The following FOXK2 variants were observed in gnomAD, a reference collection of about 807,000 sequenced individuals.
The protein encoded by FOXK2 is forkhead box protein K2.
In FOXK2, 24 loss-of-function variants were observed where a neutral mutation model predicts 53.3. That is an observed-to-expected ratio of 0.45 (90% CI 0.33 to 0.63). The LOEUF (loss-of-function observed/expected upper bound fraction) is 0.63. Among genes scored for constraint, FOXK2 ranks in the 30% least tolerant of loss-of-function variants. FOXK2 has a pLI of 0.03. For missense variants in FOXK2, 952 were observed against 910.5 expected, an observed-to-expected ratio of 1.05 and a Z score of -0.59; for synonymous variants, 505 against 407.1, an observed-to-expected ratio of 1.24 and a Z score of -2.89.
chr17:82,551,316 CAAAAAAAAAAATT>C lies in FOXK2; in HGVS notation c.420-12027_420-12015del, dbSNP rs1190091357. ...TGGGCGATAGAGCGAGACTCCATCT[CAAAAAAAAAAATT>C]AAAAAAAAAATAAAAATAAACATGA... On this transcript the variant is annotated intron_variant, in intron 1 of 8. Transcript: ENST00000335255. 6.8e-3 allele frequency among the ~76,000 whole-genome samples: 603 copies of C among 89,298 alleles called. 4 individuals carry two copies. The highest frequency in any genetic ancestry group is 0.029 in the African/African-American group (575 of 19,858). The allele number at this position is 89,298 out of a possible 152,430, so 58.6% of individuals were successfully genotyped here.
At chr17:82,569,533 C>G (rs2044890110) in intron 3 of FOXK2, among the ~76,000 whole-genome samples, 1 of 152,152 alleles carries the variant, frequency 6.6e-6, no homozygotes, top group South Asian at 2.1e-4. Flanking sequence ...TGCCCTGTCT[C>G]TTGACCTAGT....
At chr17:82,558,829 C>T (rs914246063) in intron 1 of FOXK2, among the ~76,000 whole-genome samples, 1 of 152,110 alleles carries the variant, frequency 6.6e-6, no homozygotes, top group Non-Finnish European at 1.5e-5. Context: ...TCACTGCAAG[C>T]TCCGCCTCCT....
intron 4 of FOXK2, 103 bp from the exon 5 acceptor site, chr17:82,582,638 C>T (rs1427684075): frequency 1.1e-6 from 1 of 920,538 alleles, no homozygotes; most frequent in African/African-American, 1.7e-5. Flanking sequence ...TCTGCCAGGC[C>T]CAACATGTAG....
At chr17:82,576,546 C>T (rs961986816) in intron 4 of FOXK2, 2 of 690,530 alleles carry the variant, frequency 2.9e-6, no homozygotes, top group Non-Finnish European at 5.1e-6. Context: ...ATTCTGTCAT[C>T]ATGAGCTGAG....
chr17:82,559,669 C>T, intron 1 of FOXK2, among the ~76,000 whole-genome samples: 1 of 122,772 alleles, frequency 8.1e-6, no homozygotes, highest in Non-Finnish European at 1.7e-5. Context: ...CACACCACCC[C>T]CCACCCACCC....
chr17:82,583,105 T>C (rs1047720377), intron 5 of FOXK2, among the ~76,000 whole-genome samples, 171 bp downstream of exon 5: 1 of 152,250 alleles, frequency 6.6e-6, no homozygotes, highest in Non-Finnish European at 1.5e-5. Flanking sequence ...TTTCTGGTTC[T>C]AGTGGCTGAA....
chr17:82,597,731 A>T (rs1485729255), intron 8 of FOXK2, among the ~76,000 whole-genome samples: 1 of 151,208 alleles, frequency 6.6e-6, no homozygotes, highest in Non-Finnish European at 1.5e-5. Flanking sequence ...GCTTACTGCA[A>T]CCTCTGCCTC....
At chr17:82,549,309 A>G (rs2144088556) in intron 1 of FOXK2, among the ~76,000 whole-genome samples, 1 of 152,326 alleles carries the variant, frequency 6.6e-6, no homozygotes, top group Admixed American at 6.5e-5. Flanking sequence ...TATCACAGTT[A>G]CAGTGCAGCA....
chr17:82,520,497 C>T (rs530830637), intron 1 of FOXK2, among the ~76,000 whole-genome samples, 190 bp downstream of exon 1: 1 of 151,884 alleles, frequency 6.6e-6, no homozygotes, highest in South Asian at 2.1e-4. Context: ...CGACCCCCGT[C>T]CTCCCGGTCC....
intron 1 of FOXK2, among the ~76,000 whole-genome samples, chr17:82,548,858 A>G (rs2044650956): frequency 1.3e-5 from 2 of 152,082 alleles, no homozygotes. Context: ...AATGATCTCA[A>G]GAGCATTCTC....
intron 1 of FOXK2, among the ~76,000 whole-genome samples, chr17:82,551,295 C>T (rs545994153): frequency 3.4e-5 from 5 of 147,232 alleles, no homozygotes; most frequent in African/African-American, 7.6e-5. Flanking sequence ...CCAGCCTGGG[C>T]GATAGAGCGA....
rs781375147 is a variant in FOXK2 at position 82,571,812 on chromosome 17, T to G, written c.851T>G (p.Ile284Ser). 1 of 1,602,920 alleles carries G rather than the reference T, an allele frequency of 6.2e-7. No individual in the cohort carries two copies. Reference sequence around the variant, plus strand: ...GACAAACAGCTCACCCTGAACGGGATTTATACACACATCACTAAAAATTAT... The same window carrying G: ...GACAAACAGCTCACCCTGAACGGGAGTTATACACACATCACTAAAAATTAT... ...APDKQLTLNG[I>S]YTHITKNYPY... The change falls in exon 4 of 9, where the codon ATT (isoleucine) becomes AGT (serine). Residue 284 changes from isoleucine to serine, a missense_variant. This residue lies in a region of FOXK2 where 160 missense variants were observed against 214.2 expected (regional missense o/e 0.75). Transcript: ENST00000335255.
chr17:82,589,031 C>G (rs2045227407), intron 8 of FOXK2, among the ~76,000 whole-genome samples: 1 of 151,806 alleles, frequency 6.6e-6, no homozygotes, highest in African/African-American at 2.4e-5. Context: ...GCACTCCAGC[C>G]CGGGCGACCG....
intron 4 of FOXK2, among the ~76,000 whole-genome samples, chr17:82,582,344 G>A (rs573807101): frequency 2.3e-4 from 35 of 152,266 alleles, no homozygotes; most frequent in Admixed American, 1.1e-3. Context: ...CCCGGGGCCC[G>A]TTCTGCCACA....
intron 3 of FOXK2, 89 bp from the exon 4 acceptor site, chr17:82,571,635 T>G: frequency 7.6e-7 from 1 of 1,322,940 alleles, no homozygotes. Context: ...GAGGAACACT[T>G]AAAAGCACTG....
chr17:82,559,647 C>T (rs567648461), intron 1 of FOXK2, among the ~76,000 whole-genome samples: 22 of 152,224 alleles, frequency 1.4e-4, no homozygotes, highest in African/African-American at 5.1e-4. Flanking sequence ...GAGGAGGTGA[C>T]AGCTGTACAC....
chr17:82,525,474 C>T (rs1003234627), intron 1 of FOXK2, among the ~76,000 whole-genome samples: 8 of 152,060 alleles, frequency 5.3e-5, no homozygotes, highest in African/African-American at 1.4e-4. Context: ...CTACTGCGCC[C>T]GGTCGAGGAC....
At chr17:82,573,286 C>T (rs138267612) in intron 4 of FOXK2, among the ~76,000 whole-genome samples, 203 of 152,068 alleles carry the variant, frequency 1.3e-3, no homozygotes, top group Admixed American at 2.2e-3. Flanking sequence ...CAGAATGAGA[C>T]CCAGCCTCCC....
chr17:82,547,949 C>T (rs1042718966), intron 1 of FOXK2, among the ~76,000 whole-genome samples: 1 of 152,216 alleles, frequency 6.6e-6, no homozygotes, highest in African/African-American at 2.4e-5. Flanking sequence ...CTTGTGTGGG[C>T]AGTTTTCCTT....
Sources: gnomAD v4.1 joint callset for allele counts (sites outside exome capture counted in the v4.1 genomes callset) on GRCh38, gnomAD v4.1.1 for gene constraint, gnomAD v4.1.1 regional missense constraint, MANE v1.5 for transcripts, NCBI Gene and HGNC (gene_info 2026-07-23, HGNC 2026-07-21) for gene names.